Variants in SORCS3 observed in about 807,000 individuals in gnomAD.
The protein encoded by SORCS3 is VPS10 domain-containing receptor SorCS3.
Under a neutral mutation model 146.3 loss-of-function variants are expected in SORCS3, and 57 were observed. That is an observed-to-expected ratio of 0.39 (90% confidence interval 0.31 to 0.49). SORCS3 has a LOEUF of 0.49. Among genes scored for constraint, SORCS3 ranks in the 20% least tolerant of loss-of-function variants. The probability of loss-of-function intolerance (pLI) is 0.92; values close to 1 mark genes in which losing one functional copy is unlikely to be tolerated. For synonymous variants in SORCS3, 653 were observed against 618.5 expected (o/e 1.06, Z -0.83); for missense variants, 1,341 against 1,575.5 (o/e 0.85, Z 2.52).
At chr10:104,665,553 A>T (rs72813609) in intron 1 of SORCS3, 4,131 of 152,294 alleles carry the variant, frequency 0.027, 85 homozygotes, top group Middle Eastern at 0.095. Context: ...AAGGCAGCAG[A>T]TGCTTCTTTA....
intron 1 of SORCS3, among the ~76,000 whole-genome samples, chr10:104,776,935 G>T (rs975317621): frequency 6.7e-6 from 1 of 149,938 alleles, no homozygotes; most frequent in African/African-American, 2.5e-5. Context: ...GTGATGACAG[G>T]CAGACAGGCA....
chr10:104,736,736 TTTC>T (rs1459520150), intron 1 of SORCS3, among the ~76,000 whole-genome samples: 1 of 151,646 alleles, frequency 6.6e-6, no homozygotes, highest in Non-Finnish European at 1.5e-5. Flanking sequence ...TCTCAGAGTC[TTTC>T]TTTGACTTCT....
intron 3 of SORCS3, among the ~76,000 whole-genome samples, chr10:104,973,362 A>G (rs1168432349): frequency 2.0e-5 from 3 of 152,008 alleles, no homozygotes; most frequent in African/African-American, 7.2e-5. Flanking sequence ...GATTATTGCC[A>G]CAATTTCAGC....
At chr10:104,908,470 A>G (rs1023425339) in intron 2 of SORCS3, among the ~76,000 whole-genome samples, 13 of 152,206 alleles carry the variant, frequency 8.5e-5, no homozygotes, top group Non-Finnish European at 1.8e-4. Flanking sequence ...TAAGCTAGGT[A>G]TCTTATTACT....
chr10:105,202,693 T>TAAACATTCAATAAA (rs1445853112), intron 16 of SORCS3, among the ~76,000 whole-genome samples: 1 of 152,168 alleles, frequency 6.6e-6, no homozygotes, highest in Non-Finnish European at 1.5e-5. Flanking sequence ...TGGCCCGCTG[T>TAAACATTCAATAAA]AAACATTCAA....
intron 1 of SORCS3, among the ~76,000 whole-genome samples, chr10:104,819,975 T>C (rs1823849503): frequency 6.6e-6 from 1 of 152,166 alleles, no homozygotes; most frequent in African/African-American, 2.4e-5. Context: ...GAATGGAAAG[T>C]TGGCTTGAGG....
intron 3 of SORCS3, among the ~76,000 whole-genome samples, chr10:104,960,790 A>G (rs7896304): frequency 0.096 from 14,623 of 152,170 alleles, 2,169 homozygotes; most frequent in African/African-American, 0.32. Context: ...GAGGCTTCCT[A>G]TAGGAAGAAT....
chr10:104,707,572 A>G (rs2016350507), intron 1 of SORCS3, among the ~76,000 whole-genome samples: 1 of 152,166 alleles, frequency 6.6e-6, no homozygotes, highest in African/African-American at 2.4e-5. Context: ...TTTGCATATA[A>G]TAGGAGAGAG....
At chr10:104,996,468 T>C (rs1168953873) in intron 4 of SORCS3, among the ~76,000 whole-genome samples, 2 of 152,180 alleles carry the variant, frequency 1.3e-5, no homozygotes, top group African/African-American at 4.8e-5. Context: ...ACTTTTTAAA[T>C]GGCATTTAAA....
chr10:104,954,060 A>G (rs967802962), intron 3 of SORCS3, among the ~76,000 whole-genome samples: 4 of 152,208 alleles, frequency 2.6e-5, no homozygotes, highest in Non-Finnish European at 5.9e-5. Context: ...AAAAAGTTTC[A>G]GTTGAATGGA....
chr10:104,764,684 C>T (rs1355601900), intron 1 of SORCS3, among the ~76,000 whole-genome samples: 1 of 152,092 alleles, frequency 6.6e-6, no homozygotes, highest in Non-Finnish European at 1.5e-5. Context: ...CACTACATTG[C>T]CTGGTCCATA....
At chr10:104,943,631 T>G (rs1477590929) in intron 3 of SORCS3, among the ~76,000 whole-genome samples, 1 of 152,200 alleles carries the variant, frequency 6.6e-6, no homozygotes, top group Non-Finnish European at 1.5e-5. Flanking sequence ...ATAAACATCC[T>G]TATTTCCCCC....
chr10:104,682,293 G>GTGAA (rs1192601049), intron 1 of SORCS3, among the ~76,000 whole-genome samples: 1 of 152,332 alleles, frequency 6.6e-6, no homozygotes. Flanking sequence ...CTAATAGTTG[G>GTGAA]TGAATGAATG....
intron 3 of SORCS3, among the ~76,000 whole-genome samples, chr10:104,929,655 TG>T (rs2019187038): frequency 6.6e-6 from 1 of 152,204 alleles, no homozygotes; most frequent in African/African-American, 2.4e-5. Flanking sequence ...AGCTGGCCCC[TG>T]GGGACACAGG....
chr10:105,115,297 G>C (rs994539691), intron 7 of SORCS3, among the ~76,000 whole-genome samples: 1 of 152,154 alleles, frequency 6.6e-6, no homozygotes, highest in Non-Finnish European at 1.5e-5. Flanking sequence ...GATCAAGGGA[G>C]ATAATAATGG....
rs145097796 is a variant in SORCS3 at position 104,868,692 on chromosome 10, A to G, written c.695+25833A>G. Among the ~76,000 whole-genome samples, 1,014 of 152,356 alleles carry G rather than the reference A, an allele frequency of 6.7e-3. 10 individuals are homozygous for G. The highest frequency in any genetic ancestry group is 0.023 in the African/African-American group (976 of 41,574). ...GAGATAAGGGCTTCCTTCAGGGCACACATAGACACCTTCAAGTCATTTATA... is the reference window on the plus strand; with the variant it reads ...GAGATAAGGGCTTCCTTCAGGGCACGCATAGACACCTTCAAGTCATTTATA... On this transcript the variant is annotated intron_variant, in intron 2 of 26. Transcript: ENST00000369701.
intron 1 of SORCS3, among the ~76,000 whole-genome samples, chr10:104,765,999 G>A (rs1025649302): frequency 1.3e-5 from 2 of 152,156 alleles, no homozygotes; most frequent in Admixed American, 6.5e-5. Flanking sequence ...TGCCCTTTGG[G>A]GCTAGAGAGG....
chr10:104,909,676 G>A (rs2018945931), intron 2 of SORCS3, among the ~76,000 whole-genome samples: 1 of 152,124 alleles, frequency 6.6e-6, no homozygotes. Flanking sequence ...CCCCGTGAGA[G>A]CTGGCAGAGT....
intron 20 of SORCS3, among the ~76,000 whole-genome samples, chr10:105,244,543 G>A (rs1239970503): frequency 1.3e-5 from 2 of 152,018 alleles, no homozygotes; most frequent in African/African-American, 2.4e-5. Context: ...GAATTCTGAG[G>A]TATATCTGCA....
Sources: gnomAD v4.1 joint callset for allele counts (sites outside exome capture counted in the v4.1 genomes callset) on GRCh38, gnomAD v4.1.1 for gene constraint, MANE v1.5 for transcripts, NCBI Gene and HGNC (gene_info 2026-07-23, HGNC 2026-07-21) for gene names.